CEP72: variants seen among roughly 807,000 people sequenced by gnomAD.
CEP72 encodes centrosomal protein of 72 kDa.
CEP72 carries 78 observed loss-of-function variants against 65.7 expected under a neutral mutation model. The observed-to-expected ratio is 1.19, with a 90% CI of 0.99 to 1.43. CEP72 has a LOEUF of 1.43. Ranked by LOEUF, CEP72 falls within the 40% of genes most tolerant of loss-of-function variation. The probability of loss-of-function intolerance (pLI) is 0.00; values close to 1 mark genes in which losing one functional copy is unlikely to be tolerated. For synonymous variants in CEP72, 358 were observed against 351.7 expected, an observed-to-expected ratio of 1.02 and a Z score of -0.20; for missense variants, 914 against 832.9, an observed-to-expected ratio of 1.10 and a Z score of -1.20.
At chr5:654,795 A>G (rs560892302), downstream of CEP72, among the ~76,000 whole-genome samples, 9 of 138,144 alleles carry the variant, frequency 6.5e-5, no homozygotes, top group South Asian at 1.9e-3. Flanking sequence ...GCAAAGTTGC[A>G]GCCACTACTC....
intron 7 of CEP72, 100 bp from the exon 8 acceptor site, chr5:638,989 T>C: frequency 1.3e-6 from 2 of 1,489,314 alleles, no homozygotes; most frequent in Non-Finnish European, 1.9e-6. Flanking sequence ...TGTCCTCCCC[T>C]TCGTGGTGCG....
At chr5:626,686 G>A (rs1249387772) in intron 4 of CEP72, among the ~76,000 whole-genome samples, 1 of 152,050 alleles carries the variant, frequency 6.6e-6, no homozygotes, top group Admixed American at 6.5e-5. Flanking sequence ...AATTAACTGG[G>A]TATGGTGGTG....
intron 4 of CEP72, among the ~76,000 whole-genome samples, chr5:627,389 G>A (rs1039725993): frequency 1.4e-5 from 2 of 145,350 alleles, no homozygotes; most frequent in African/African-American, 2.7e-5. Flanking sequence ...TGCATGTTAC[G>A]AATTTTGAAC....
chr5:642,884 G>A (rs567913355), intron 9 of CEP72: 8 of 985,460 alleles, frequency 8.1e-6, no homozygotes, highest in South Asian at 9.4e-5. Flanking sequence ...CTCATCCCTC[G>A]GTCACATGAA....
exon 4 of CEP72, chr5:666,060 C>T: frequency 1.9e-6 from 3 of 1,612,406 alleles, no homozygotes; most frequent in Non-Finnish European, 2.5e-6. Flanking sequence ...TGAATCGCTT[C>T]TTGGCGAGCT....
chr5:620,859 A>T (rs577460405), intron 3 of CEP72, among the ~76,000 whole-genome samples: 11 of 152,182 alleles, frequency 7.2e-5, no homozygotes, highest in African/African-American at 2.2e-4. Context: ...GGGCAGCCGC[A>T]GGTCACCTTC....
chr5:616,916 C>T (rs1369563419), intron 1 of CEP72, among the ~76,000 whole-genome samples: 2 of 142,044 alleles, frequency 1.4e-5, no homozygotes, highest in Non-Finnish European at 3.0e-5. Flanking sequence ...GCCAAGTGGA[C>T]GAGGGGTGTG....
At chr5:643,616 C>T (rs1738209371) in intron 9 of CEP72, 1 of 985,360 alleles carries the variant, frequency 1.0e-6, no homozygotes, top group Non-Finnish European at 1.2e-6. Flanking sequence ...GGGGCCTGCT[C>T]AGCACCCCCG....
downstream of CEP72, among the ~76,000 whole-genome samples, chr5:654,098 GTGTGTGTGCTAGCTGTGTGTGTGTGC>G (rs1293881061): frequency 4.1e-5 from 6 of 146,700 alleles, no homozygotes; most frequent in South Asian, 2.2e-4. Flanking sequence ...TGTGCTAGCT[GTGTGTGTGCTAGCTGTGTGTGTGTGC>G]TGTGTGTGCT....
At position 633,958 on chromosome 5, in the gene CEP72, C is replaced by A; in HGVS notation, c.691+11C>A. Reference sequence around the variant, plus strand: ...CTCGTGGTTCCCAAGGTGCGCTGCTCATCTGCCAGGAGGCCAGTGGGTCCG... The same window carrying A: ...CTCGTGGTTCCCAAGGTGCGCTGCTAATCTGCCAGGAGGCCAGTGGGTCCG... On this transcript the variant is annotated intron_variant, in intron 5 of 11. Coordinates refer to ENST00000264935, the MANE Select transcript of CEP72 (RefSeq NM_018140.4). 1 of 1,609,334 alleles carries A rather than the reference C, an allele frequency of 6.2e-7. No individual in the cohort carries two copies. Among genetic ancestry groups the A allele is most frequent in the South Asian group, 1.1e-5 (1 of 91,012 alleles).
intron 11 of CEP72, among the ~76,000 whole-genome samples, chr5:648,619 GA>G (rs1738614301): frequency 1.0e-5 from 1 of 98,100 alleles, no homozygotes; most frequent in African/African-American, 4.1e-5. Flanking sequence ...GTGAGGCGTG[GA>G]CTGTGAGGCG....
chr5:644,192 A>G (rs1161816632), intron 9 of CEP72, 107 bp from the exon 10 acceptor site: 28 of 1,260,134 alleles, frequency 2.2e-5, no homozygotes, highest in Middle Eastern at 2.1e-4. Flanking sequence ...GTGACTCCCA[A>G]GTATGCAGAA....
chr5:613,993 G>A (rs1357339983), intron 1 of CEP72, among the ~76,000 whole-genome samples: 1 of 152,224 alleles, frequency 6.6e-6, no homozygotes, highest in Non-Finnish European at 1.5e-5. Context: ...AGCTGACCTC[G>A]GGACATGCCG....
At chr5:612,566 G>T in intron 1 of CEP72, 123 bp downstream of exon 1, 8 of 1,239,502 alleles carry the variant, frequency 6.5e-6, no homozygotes, top group Non-Finnish European at 8.1e-6. Context: ...GCGGGCGTCC[G>T]GAACGGTCGC....
intron 3 of CEP72, 123 bp downstream of exon 3, chr5:620,384 G>T: frequency 1.2e-6 from 1 of 828,156 alleles, no homozygotes; most frequent in Non-Finnish European, 1.9e-6. Context: ...CGGGGAGTTG[G>T]TTTTCTACGC....
At chr5:612,470 A>G in intron 1 of CEP72, 27 bp downstream of exon 1, 1 of 1,383,496 alleles carries the variant, frequency 7.2e-7, no homozygotes, top group Admixed American at 2.9e-5. Flanking sequence ...GCGGGGGTGC[A>G]AGCGTGAGGT....
intron 10 of CEP72, among the ~76,000 whole-genome samples, chr5:644,996 G>C (rs1158945816): frequency 2.6e-5 from 4 of 152,014 alleles, no homozygotes; most frequent in Admixed American, 6.6e-5. Context: ...TTTAAATAAG[G>C]AAATGCTGAT....
intron 11 of CEP72, among the ~76,000 whole-genome samples, chr5:648,748 T>C (rs1394786532): frequency 5.5e-5 from 3 of 54,874 alleles, no homozygotes; most frequent in South Asian, 1.3e-3. Flanking sequence ...GACTGTGAGG[T>C]GTGGACTGTG....
Position 620,173 on chromosome 5 carries a change from T to C in CEP72, c.315T>C (p.Asp105=), listed in dbSNP as rs2126737018. Residue 105 remains aspartate, a synonymous_variant, in exon 3 of 12, where the codon GAT becomes GAC. Transcript: ENST00000264935. ...TCCACGCCTTAACCGAGCTCGTGGATGTGGACTTCCGGCTGAACCCCGTGG... is the reference window on the plus strand; with the variant it reads ...TCCACGCCTTAACCGAGCTCGTGGACGTGGACTTCCGGCTGAACCCCGTGG... ...FRLHALTELV[D]VDFRLNPVVK... is the part of the protein sequence containing the mutation. 1 of 1,614,176 alleles carries C rather than the reference T, an allele frequency of 6.2e-7. No homozygotes were observed. Among genetic ancestry groups the C allele is most frequent in the Non-Finnish European group, 8.5e-7 (1 of 1,180,030 alleles).
Sources: gnomAD v4.1 joint callset for allele counts (sites outside exome capture counted in the v4.1 genomes callset) on GRCh38, gnomAD v4.1.1 for gene constraint, MANE v1.5 for transcripts, NCBI Gene and HGNC (gene_info 2026-07-23, HGNC 2026-07-21) for gene names.